The following RBFOX1 variants were observed in gnomAD, a reference collection of about 807,000 sequenced individuals.
RBFOX1 encodes RNA binding protein fox-1 homolog 1.
Under a neutral mutation model 57.7 loss-of-function variants are expected in RBFOX1, and 8 were observed. The ratio of observed to expected loss-of-function variants is 0.14; its 90% CI spans 0.08 to 0.25. The LOEUF (loss-of-function observed/expected upper bound fraction) is 0.25, where lower values mean the gene tolerates loss of function less well. Among genes scored for constraint, RBFOX1 ranks in the 10% least tolerant of loss-of-function variants. The pLI is 1.00. For missense variants in RBFOX1, 611 were observed against 548.5 expected (o/e 1.11, Z -1.14); for synonymous variants, 326 against 222.4 (o/e 1.47, Z -4.15).
At chr16:7,607,891 G>A (rs1318358318) in intron 10 of RBFOX1, among the ~76,000 whole-genome samples, 1 of 152,096 alleles carries the variant, frequency 6.6e-6, no homozygotes, top group African/African-American at 2.4e-5. Context: ...TCCAGAATAT[G>A]TCTCTCTCCT....
intron 2 of RBFOX1, among the ~76,000 whole-genome samples, chr16:6,378,012 C>T (rs762466132): frequency 6.6e-6 from 1 of 152,192 alleles, no homozygotes; most frequent in Non-Finnish European, 1.5e-5. Context: ...ACGAGGTGAT[C>T]TAGTGTTCTT....
At chr16:6,848,908 A>T (rs1220923223) in intron 3 of RBFOX1, among the ~76,000 whole-genome samples, 2 of 152,164 alleles carry the variant, frequency 1.3e-5, no homozygotes, top group Non-Finnish European at 1.5e-5. Context: ...ATAGTGTTGC[A>T]AAGAAAAAGA....
intron 2 of RBFOX1, among the ~76,000 whole-genome samples, chr16:6,479,494 A>T (rs969833554): frequency 3.9e-5 from 6 of 152,110 alleles, no homozygotes; most frequent in African/African-American, 1.4e-4. Context: ...AGGCTGAGGC[A>T]GGAAAATCAC....
At chr16:5,284,543 T>C (rs540370856) in intron 1 of RBFOX1, among the ~76,000 whole-genome samples, 102 of 150,152 alleles carry the variant, frequency 6.8e-4, no homozygotes, top group Non-Finnish European at 1.2e-3. Flanking sequence ...TTTTTTCTTT[T>C]TTTTTTTTTT....
chr16:5,854,925 T>A (rs949419288), intron 3 of RBFOX1, among the ~76,000 whole-genome samples: 3 of 152,220 alleles, frequency 2.0e-5, no homozygotes, highest in Non-Finnish European at 4.4e-5. Flanking sequence ...GCCTAACAAG[T>A]GTGAGGTGAT....
At chr16:6,012,537 A>G (rs1381591761) in intron 4 of RBFOX1, among the ~76,000 whole-genome samples, 1 of 152,218 alleles carries the variant, frequency 6.6e-6, no homozygotes, top group Non-Finnish European at 1.5e-5. Context: ...GAGTCCCTCC[A>G]CAGCAAAGGG....
intron 1 of RBFOX1, among the ~76,000 whole-genome samples, chr16:6,288,919 C>T (rs567647496): frequency 6.6e-6 from 1 of 152,252 alleles, no homozygotes; most frequent in African/African-American, 2.4e-5. Flanking sequence ...CAAGGCAATG[C>T]TTCTCATTGA....
intron 3 of RBFOX1, among the ~76,000 whole-genome samples, chr16:6,880,516 C>G (rs956761817): frequency 2.6e-5 from 4 of 152,212 alleles, no homozygotes; most frequent in African/African-American, 9.7e-5. Flanking sequence ...GAGAGATTTC[C>G]TGGAACCTTG....
At chr16:5,703,642 G>T (rs747642642) in intron 3 of RBFOX1, among the ~76,000 whole-genome samples, 2 of 152,174 alleles carry the variant, frequency 1.3e-5, no homozygotes. Flanking sequence ...TTTCAGCTCA[G>T]CCACTGAATA....
intron 3 of RBFOX1, among the ~76,000 whole-genome samples, chr16:6,955,947 C>A (rs1332749814): frequency 6.7e-6 from 1 of 150,316 alleles, no homozygotes; most frequent in Admixed American, 6.6e-5. Context: ...CGCAGGTGAT[C>A]CAACCACCTT....
chr16:7,096,611 G>C (rs964242653), intron 4 of RBFOX1, among the ~76,000 whole-genome samples: 1 of 152,030 alleles, frequency 6.6e-6, no homozygotes, highest in Non-Finnish European at 1.5e-5. Context: ...TTGCTGTTTG[G>C]ATCTAGGAGT....
At chr16:7,498,328 C>A (rs1016122205) in intron 4 of RBFOX1, among the ~76,000 whole-genome samples, 1 of 152,092 alleles carries the variant, frequency 6.6e-6, no homozygotes, top group Admixed American at 6.6e-5. Context: ...TATTAATGAA[C>A]TAGCTAATGG....
rs539093581 is a variant in RBFOX1 at position 6,347,655 on chromosome 16, C to G, written c.-64+30598C>G. 2.0e-5 allele frequency among the ~76,000 whole-genome samples: 3 copies of G among 152,264 alleles called. No individual in the cohort carries two copies. In the East Asian group the frequency reaches 5.8e-4, roughly 29 times the overall value. On this transcript the variant is annotated intron_variant, in intron 2 of 15. Coordinates refer to ENST00000550418, the MANE Select transcript of RBFOX1 (RefSeq NM_018723.4). ...AAGTTTATCTTAGAGCAAGGAGAAACAAAATGTCCCTGTATATCAACAATT... is the reference window on the plus strand; with the variant it reads ...AAGTTTATCTTAGAGCAAGGAGAAAGAAAATGTCCCTGTATATCAACAATT...
chr16:7,496,115 C>T lies in RBFOX1; in HGVS notation c.28-22032C>T, dbSNP rs35795817. Among the ~76,000 whole-genome samples, 433 of 152,216 alleles carry T rather than the reference C, an allele frequency of 2.8e-3. 1 individual carries two copies. Among genetic ancestry groups the T allele is most frequent in the African/African-American group, 9.9e-3 (413 of 41,548 alleles). The stretch of plus-strand genomic sequence containing the variant: ...TGAGTCAGTGCACACATCCTACCTT[C>T]TGGGCATCAGTTTCCTCACCTTTTT... On this transcript the variant is annotated intron_variant, in intron 4 of 15. Transcript: ENST00000550418.
At chr16:5,428,725 A>G (rs1232139192) in intron 1 of RBFOX1, among the ~76,000 whole-genome samples, 10 of 152,146 alleles carry the variant, frequency 6.6e-5, no homozygotes, top group Admixed American at 2.6e-4. Context: ...GGTACATTAC[A>G]TGGAGAGGAG....
intron 3 of RBFOX1, among the ~76,000 whole-genome samples, chr16:6,977,438 C>G (rs990511978): frequency 7.2e-5 from 11 of 152,192 alleles, no homozygotes; most frequent in African/African-American, 1.9e-4. Flanking sequence ...GTTCCCTTAA[C>G]CATACACATC....
chr16:7,143,253 G>C (rs74720981), intron 4 of RBFOX1, among the ~76,000 whole-genome samples: 77 of 152,176 alleles, frequency 5.1e-4, no homozygotes, highest in Admixed American at 2.7e-3. Flanking sequence ...TAGAGAGAGA[G>C]AGAGGAAGAG....
intron 4 of RBFOX1, among the ~76,000 whole-genome samples, chr16:7,413,782 C>G (rs868798130): frequency 6.6e-6 from 1 of 152,054 alleles, no homozygotes. Flanking sequence ...TTCCTTGTAG[C>G]TTTGTAGAGC....
At chr16:6,076,356 A>G (rs2095901059) in intron 1 of RBFOX1, among the ~76,000 whole-genome samples, 1 of 151,604 alleles carries the variant, frequency 6.6e-6, no homozygotes, top group Non-Finnish European at 1.5e-5. Context: ...ATACACACAC[A>G]CACACCCCAC....
Sources: gnomAD v4.1 joint callset for allele counts (sites outside exome capture counted in the v4.1 genomes callset) on GRCh38, gnomAD v4.1.1 for gene constraint, MANE v1.5 for transcripts, NCBI Gene and HGNC (gene_info 2026-07-23, HGNC 2026-07-21) for gene names.